Variants in SH3GLB1 observed in about 807,000 individuals in gnomAD.
The protein encoded by SH3GLB1 is endophilin-B1.
A neutral mutation model predicts 42.0 loss-of-function variants in SH3GLB1; 17 were observed. The observed-to-expected ratio is 0.40, with a 90% confidence interval of 0.28 to 0.61. The LOEUF is 0.61. Among genes scored for constraint, SH3GLB1 ranks in the 20% least tolerant of loss-of-function variants. The probability of loss-of-function intolerance (pLI) is 0.36; values close to 1 mark genes in which losing one functional copy is unlikely to be tolerated. For missense variants in SH3GLB1, 355 were observed against 426.3 expected (o/e 0.83, Z 1.47); for synonymous variants, 132 against 146.6 (o/e 0.90, Z 0.72).
At chr1:86,706,499 AT>A (rs1653877343) in intron 1 of SH3GLB1, among the ~76,000 whole-genome samples, 1 of 152,152 alleles carries the variant, frequency 6.6e-6, no homozygotes, top group South Asian at 2.1e-4. Context: ...TTGAGCCTTT[AT>A]AGTTAAAATA....
intron 2 of SH3GLB1, among the ~76,000 whole-genome samples, chr1:86,719,073 T>A (rs1453352668): frequency 6.6e-6 from 1 of 152,250 alleles, no homozygotes; most frequent in Non-Finnish European, 1.5e-5. Flanking sequence ...CTGTCAGATG[T>A]AAGTCTTTGG....
intron 7 of SH3GLB1, among the ~76,000 whole-genome samples, chr1:86,741,552 A>T (rs2101990013): frequency 1.3e-5 from 2 of 152,332 alleles, no homozygotes; most frequent in Middle Eastern, 6.8e-3. Flanking sequence ...GTCCTATTCT[A>T]CCATTGAGTC....
intron 3 of SH3GLB1, among the ~76,000 whole-genome samples, chr1:86,719,995 CAAAAAAA>C (rs570115346): frequency 1.6e-5 from 1 of 62,426 alleles, no homozygotes; most frequent in Non-Finnish European, 3.3e-5. Flanking sequence ...GACTCTGTCT[CAAAAAAA>C]AAAAAAAAAA....
intron 5 of SH3GLB1, chr1:86,734,293 C>CT (rs1438992550): frequency 5.4e-6 from 1 of 184,742 alleles, no homozygotes; most frequent in Non-Finnish European, 1.1e-5. Flanking sequence ...AAAATTGATA[C>CT]TAGAAAATTT....
intron 8 of SH3GLB1, 27 bp downstream of exon 8, chr1:86,742,463 A>C: frequency 6.5e-7 from 1 of 1,536,750 alleles, no homozygotes; most frequent in Non-Finnish European, 9.0e-7. Context: ...TGAGAAGGAA[A>C]ATATATCACG....
chr1:86,731,016 C>G (rs1655480031), intron 5 of SH3GLB1, among the ~76,000 whole-genome samples: 1 of 152,128 alleles, frequency 6.6e-6, no homozygotes, highest in Non-Finnish European at 1.5e-5. Context: ...ACTATGTTGT[C>G]TCTTCCCTCA....
At chr1:86,738,918 A>G (rs1238453263) in intron 7 of SH3GLB1, among the ~76,000 whole-genome samples, 1 of 152,234 alleles carries the variant, frequency 6.6e-6, no homozygotes. Context: ...TGCTGGGATT[A>G]TAGGCGTGAG....
chr1:86,731,478 C>T (rs1014649656), intron 5 of SH3GLB1, among the ~76,000 whole-genome samples: 4 of 152,108 alleles, frequency 2.6e-5, no homozygotes, highest in Non-Finnish European at 5.9e-5. Flanking sequence ...AGTTTAGTTA[C>T]GGTTCCACAC....
At chr1:86,729,616 G>A (rs895308418) in intron 5 of SH3GLB1, among the ~76,000 whole-genome samples, 8 of 152,038 alleles carry the variant, frequency 5.3e-5, no homozygotes, top group Admixed American at 2.6e-4. Flanking sequence ...TACTATTAAT[G>A]TAATCTTATA....
rs1261589668 is a variant in SH3GLB1, at chr1:86,722,608, A to C, written c.412A>C (p.Thr138Pro). The C allele has an allele frequency of 6.2e-7, 1 of 1,610,520 alleles. No individual in the cohort carries two copies. The highest frequency in any genetic ancestry group is 8.5e-7 in the Non-Finnish European group (1 of 1,178,304). The change falls in exon 4 of 9, where the codon ACG becomes CCG. Residue 138 changes from threonine (T) to proline (P), a missense_variant. Coordinates refer to ENST00000370558, the MANE Select transcript of SH3GLB1 (RefSeq NM_016009.5). ...IGTADRELIQ[T>P]SALNFLTPLR... ...AACAGCAGACAGAGAACTGATTCAA[A>C]CGTCAGCCTTAAATTTTCTTACTCC...
intron 5 of SH3GLB1, among the ~76,000 whole-genome samples, chr1:86,724,956 AATAC>A (rs984092545): frequency 1.3e-4 from 19 of 144,132 alleles, no homozygotes; most frequent in Non-Finnish European, 2.4e-4. Context: ...TAAAATATAT[AATAC>A]ATATGTGTAT....
intron 7 of SH3GLB1, among the ~76,000 whole-genome samples, chr1:86,736,867 A>G (rs963765262): frequency 6.6e-6 from 1 of 152,232 alleles, no homozygotes; most frequent in Non-Finnish European, 1.5e-5. Context: ...AAGATAATAC[A>G]TAGAAATATT....
intron 5 of SH3GLB1, among the ~76,000 whole-genome samples, chr1:86,732,232 G>A (rs34925302): frequency 1.8e-3 from 280 of 152,228 alleles, no homozygotes; most frequent in Middle Eastern, 0.01. Flanking sequence ...TCTTGATATC[G>A]TGGGCCAACA....
chr1:86,743,257 T>A lies in SH3GLB1; in HGVS notation c.*22T>A. ...TTAAGTAGGTGGACTATGGAAAGGT[T>A]GCCCATCATGACTTTGTATTTATAT... On this transcript the variant is annotated 3_prime_UTR_variant, in exon 9 of 9. Transcript: ENST00000370558. The A allele has an allele frequency of 6.5e-7, 1 of 1,533,222 alleles. No individual in the cohort carries two copies. Among genetic ancestry groups the A allele is most frequent in the Non-Finnish European group, 8.9e-7 (1 of 1,127,922 alleles). The allele number at this position is 1,533,222 out of a possible 1,614,324, so 95.0% of individuals were successfully genotyped here.
intron 5 of SH3GLB1, among the ~76,000 whole-genome samples, chr1:86,724,892 A>AAATATATAT (rs1291454820): frequency 2.9e-4 from 29 of 99,694 alleles, no homozygotes; most frequent in Non-Finnish European, 3.9e-4. Context: ...AAAAAAAAAA[A>AAATATATAT]ATATATATAT....
At position 86,746,706 on chromosome 1, in the gene SH3GLB1, G is replaced by C. The variant is rs962093415; in HGVS notation, c.*3471G>C. 5.9e-5 allele frequency: 9 copies of C among 152,110 alleles called. No homozygotes were observed. Among genetic ancestry groups the C allele is most frequent in the African/African-American group, 2.2e-4 (9 of 41,416 alleles). 9.4% of individuals were successfully genotyped at this position (152,110 alleles called of 1,614,324 possible). A position where few individuals can be genotyped will look rare whatever the true frequency, so the allele number is the denominator to read the frequency against. On this transcript the variant is annotated 3_prime_UTR_variant, in exon 9 of 9. Transcript: ENST00000370558. ...AACATGGGGAAACCCTGTCTCTACT[G>C]AAAATATAAAAATTAGCCGGGCATG...
intron 2 of SH3GLB1, among the ~76,000 whole-genome samples, chr1:86,716,257 T>TG (rs1654524298): frequency 1.6e-5 from 2 of 123,108 alleles, no homozygotes; most frequent in East Asian, 2.8e-4. Context: ...TTGGTGTGTT[T>TG]TTTTGTTTGT....
chr1:86,710,341 C>A (rs1281195259), intron 1 of SH3GLB1, among the ~76,000 whole-genome samples: 1 of 151,870 alleles, frequency 6.6e-6, no homozygotes, highest in African/African-American at 2.4e-5. Context: ...CTTGGCTCAC[C>A]GCAATCTCCG....
rs1165438979 is a variant in SH3GLB1 at position 86,724,874 on chromosome 1, TAAAAAA to T, written c.570+483_570+488del. ...GGGCAACAGAGCCAGACCCTGTCTT[TAAAAAA>T]AAAAAAAAAAAAATATATATATATA... On this transcript the variant is annotated intron_variant, in intron 5 of 8. Transcript: ENST00000370558. Among the ~76,000 whole-genome samples the T allele has an allele frequency of 5.1e-4, 50 of 97,910 alleles. No homozygotes were observed. In the East Asian group the frequency reaches 9.0e-3, roughly 18 times the overall value. The allele number at this position is 97,910 out of a possible 152,430, so 64.2% of individuals were successfully genotyped here.
Sources: allele counts gnomAD v4.1 joint callset (sites outside exome capture counted in the v4.1 genomes callset), GRCh38; gene constraint gnomAD v4.1.1; transcripts MANE v1.5; gene names NCBI Gene and HGNC (gene_info 2026-07-23, HGNC 2026-07-21).